Variants in KCNMA1 observed in about 807,000 individuals in gnomAD.
KCNMA1 encodes potassium calcium-activated channel subfamily M alpha 1.
In KCNMA1, 29 loss-of-function variants were observed where a neutral mutation model predicts 140.0. The observed-to-expected ratio is 0.21, with a 90% confidence interval of 0.15 to 0.28. The LOEUF (loss-of-function observed/expected upper bound fraction) is 0.28, where lower values mean the gene tolerates loss of function less well. Among genes scored for constraint, KCNMA1 ranks in the 10% least tolerant of loss-of-function variants. The pLI is 1.00. For synonymous variants in KCNMA1, 612 were observed against 611.9 expected (o/e 1.00, Z 0.00); for missense variants, 880 against 1,602.2 (o/e 0.55, Z 7.70).
chr10:77,165,205 G>A (rs1030682558), intron 5 of KCNMA1, among the ~76,000 whole-genome samples: 8 of 152,186 alleles, frequency 5.3e-5, no homozygotes, highest in Middle Eastern at 3.4e-3. Flanking sequence ...GTAGTCAATG[G>A]TAATATTATA....
chr10:77,171,426 TG>T (rs1414082730), intron 5 of KCNMA1, among the ~76,000 whole-genome samples: 2 of 151,536 alleles, frequency 1.3e-5, no homozygotes, highest in African/African-American at 4.9e-5. Context: ...TGTGTGTGTG[TG>T]TGTGTGTGTG....
chr10:76,907,455 C>T (rs2048262598), intron 25 of KCNMA1, among the ~76,000 whole-genome samples: 1 of 152,200 alleles, frequency 6.6e-6, no homozygotes, highest in Admixed American at 6.5e-5. Flanking sequence ...GATTTTATTC[C>T]TTGGAACCAG....
intron 24 of KCNMA1, chr10:76,910,375 C>A (rs1031873438): frequency 4.7e-6 from 2 of 422,014 alleles, no homozygotes; most frequent in Non-Finnish European, 4.5e-6. Context: ...GCTGGCCAGT[C>A]CTTTGGCATA....
chr10:77,518,707 G>T (rs1184370454), intron 1 of KCNMA1, among the ~76,000 whole-genome samples: 1 of 152,200 alleles, frequency 6.6e-6, no homozygotes, highest in Non-Finnish European at 1.5e-5. Context: ...AGAGCTGAGA[G>T]GGAGCTCTTG....
At chr10:77,393,602 G>A (rs1171566812) in intron 2 of KCNMA1, among the ~76,000 whole-genome samples, 7 of 152,166 alleles carry the variant, frequency 4.6e-5, no homozygotes, top group African/African-American at 1.7e-4. Context: ...AGTCTGCAGA[G>A]GCTGGGCTTC....
chr10:77,342,267 A>G (rs1217741148), intron 2 of KCNMA1, among the ~76,000 whole-genome samples: 2 of 152,250 alleles, frequency 1.3e-5, no homozygotes, highest in African/African-American at 2.4e-5. Context: ...TTTAATGATA[A>G]AAACACAATG....
In KCNMA1 at chr10:77,007,653, G is replaced by GTGTGTGTGTATATATATATA; in HGVS notation, c.2092+4313_2092+4314insTATATATATATACACACACA. 6.6e-4 allele frequency among the ~76,000 whole-genome samples: 58 copies of GTGTGTGTGTATATATATATA among 88,436 alleles called. 2 individuals are homozygous for GTGTGTGTGTATATATATATA. The highest frequency in any genetic ancestry group is 2.0e-3 in the African/African-American group (45 of 22,156). The allele number at this position is 88,436 out of a possible 152,430, so 58.0% of individuals were successfully genotyped here. A position where few individuals can be genotyped will look rare whatever the true frequency, so the allele number is the denominator to read the frequency against. On this transcript the variant is annotated intron_variant, in intron 18 of 27. Coordinates refer to ENST00000286628, the MANE Select transcript of KCNMA1 (RefSeq NM_001161352.2). The stretch of plus-strand genomic sequence containing the variant: ...ACATCATGGTACATATTGTGTGTGT[G>GTGTGTGTGTATATATATATA]TATATATATATATATATATATATGT...
chr10:77,044,535 G>A (rs1200083731), intron 14 of KCNMA1, among the ~76,000 whole-genome samples: 1 of 152,122 alleles, frequency 6.6e-6, no homozygotes, highest in African/African-American at 2.4e-5. Flanking sequence ...TGTAGTGCCA[G>A]CTACTCAGGA....
intron 16 of KCNMA1, chr10:77,022,899 T>C (rs994165393): frequency 2.2e-6 from 1 of 454,048 alleles, no homozygotes; most frequent in Non-Finnish European, 4.4e-6. Context: ...GTGTTAAGTA[T>C]GAATATGTAA....
chr10:77,037,452 G>GT (rs1222041325), intron 15 of KCNMA1, among the ~76,000 whole-genome samples: 1 of 152,126 alleles, frequency 6.6e-6, no homozygotes, highest in Non-Finnish European at 1.5e-5. Flanking sequence ...TGATATCTAC[G>GT]TGAGTCAAAC....
chr10:76,984,346 C>T (rs528843118), intron 19 of KCNMA1, among the ~76,000 whole-genome samples: 29 of 152,110 alleles, frequency 1.9e-4, no homozygotes, highest in African/African-American at 7.0e-4. Flanking sequence ...AGATTATAGG[C>T]ACCTGACTAA....
intron 1 of KCNMA1, among the ~76,000 whole-genome samples, chr10:77,415,458 T>A (rs1250728125): frequency 6.6e-6 from 1 of 152,144 alleles, no homozygotes; most frequent in East Asian, 1.9e-4. Flanking sequence ...GGGCAGCCCA[T>A]CCTGCCCCAG....
At chr10:77,458,241 C>A (rs117689016) in intron 1 of KCNMA1, among the ~76,000 whole-genome samples, 2,199 of 152,336 alleles carry the variant, frequency 0.014, 20 homozygotes, top group Non-Finnish European at 0.023. Context: ...CAGGAGGGCA[C>A]CTTCCCTCCT....
chr10:77,023,921 T>C (rs2093137039), intron 16 of KCNMA1, among the ~76,000 whole-genome samples: 1 of 152,176 alleles, frequency 6.6e-6, no homozygotes, highest in Non-Finnish European at 1.5e-5. Context: ...TTGCTCCCAG[T>C]TGGTCAGACT....
At chr10:76,869,894 GT>G (rs1306703249) in exon 28 of KCNMA1, 1 of 152,554 alleles carries the variant, frequency 6.6e-6, no homozygotes, top group Non-Finnish European at 1.5e-5. Context: ...CTGCATGTGT[GT>G]ACTTTTTTTT....
chr10:77,255,912 CAA>C (rs35233819), intron 2 of KCNMA1, among the ~76,000 whole-genome samples: 7,168 of 117,396 alleles, frequency 0.061, 209 homozygotes, highest in Non-Finnish European at 0.084. Context: ...GACTCCATCT[CAA>C]AAAAAAAAAA....
chr10:77,034,934 G>T (rs772771102), intron 15 of KCNMA1, among the ~76,000 whole-genome samples: 6 of 152,170 alleles, frequency 3.9e-5, no homozygotes, highest in Non-Finnish European at 8.8e-5. Flanking sequence ...CTAGAACACA[G>T]TGTTCTTGAG....
At chr10:77,017,678 T>G (rs962865422) in intron 17 of KCNMA1, among the ~76,000 whole-genome samples, 6 of 152,202 alleles carry the variant, frequency 3.9e-5, no homozygotes, top group African/African-American at 1.4e-4. Flanking sequence ...ACCCTAAGTA[T>G]CCACGGTCAC....
intron 18 of KCNMA1, among the ~76,000 whole-genome samples, chr10:77,005,820 T>A (rs1171670899): frequency 6.6e-6 from 1 of 152,194 alleles, no homozygotes; most frequent in Non-Finnish European, 1.5e-5. Flanking sequence ...TAGAAGTATT[T>A]CCCTAATGGA....
Sources: allele counts gnomAD v4.1 joint callset (sites outside exome capture counted in the v4.1 genomes callset), GRCh38; gene constraint gnomAD v4.1.1; transcripts MANE v1.5; gene names NCBI Gene and HGNC (gene_info 2026-07-23, HGNC 2026-07-21).